The following DYM variants were observed in gnomAD, a reference collection of about 807,000 sequenced individuals.
DYM encodes the protein dymeclin.
In DYM, 78 loss-of-function variants were observed where a neutral mutation model predicts 93.1. The ratio of observed to expected loss-of-function variants is 0.84; its 90% CI spans 0.70 to 1.01. The LOEUF is 1.01. Among genes scored for constraint, DYM ranks in the 50% least tolerant of loss-of-function variants. DYM has a pLI of 0.00. For missense variants in DYM, 789 were observed against 845.0 expected, an observed-to-expected ratio of 0.93 and a Z score of 0.82; for synonymous variants, 321 against 319.7, an observed-to-expected ratio of 1.00 and a Z score of -0.04.
intron 14 of DYM, among the ~76,000 whole-genome samples, chr18:49,200,910 T>C (rs1255713606): frequency 6.6e-6 from 1 of 152,216 alleles, no homozygotes; most frequent in Non-Finnish European, 1.5e-5. Context: ...TACAATACAT[T>C]GTTATTAACA....
At chr18:49,402,361 C>T (rs978503300) in intron 2 of DYM, among the ~76,000 whole-genome samples, 3 of 152,140 alleles carry the variant, frequency 2.0e-5, no homozygotes, top group Non-Finnish European at 4.4e-5. Flanking sequence ...GCAAGATGGT[C>T]AGGGCATATA....
intron 8 of DYM, among the ~76,000 whole-genome samples, chr18:49,289,776 C>CATATATATATATAT: frequency 1.2e-5 from 1 of 85,524 alleles, no homozygotes; most frequent in Non-Finnish European, 2.0e-5. Flanking sequence ...TATATATACA[C>CATATATATATATAT]ATATATATAT....
intron 2 of DYM, among the ~76,000 whole-genome samples, chr18:49,428,514 A>C (rs1374817370): frequency 6.6e-6 from 1 of 152,076 alleles, no homozygotes; most frequent in Non-Finnish European, 1.5e-5. Flanking sequence ...GTGACATCTC[A>C]TCTCCACAAA....
At chr18:49,201,239 T>C (rs1053284715) in intron 14 of DYM, among the ~76,000 whole-genome samples, 2 of 152,200 alleles carry the variant, frequency 1.3e-5, no homozygotes, top group African/African-American at 4.8e-5. Context: ...ACAGAAGTAA[T>C]AACACAGTTC....
At chr18:49,113,128 AT>A (rs1474242693) in intron 16 of DYM, among the ~76,000 whole-genome samples, 1 of 152,168 alleles carries the variant, frequency 6.6e-6, no homozygotes, top group African/African-American at 2.4e-5. Context: ...TTGTTTAACA[AT>A]TGTGGGACTG....
intron 14 of DYM, among the ~76,000 whole-genome samples, chr18:49,194,954 G>T (rs975726752): frequency 2.6e-5 from 4 of 152,026 alleles, no homozygotes; most frequent in Non-Finnish European, 5.9e-5. Context: ...AAACTTTTTG[G>T]GGGAGTGAGT....
At chr18:49,075,294 G>A (rs1428565001) in intron 17 of DYM, among the ~76,000 whole-genome samples, 12 of 152,166 alleles carry the variant, frequency 7.9e-5, no homozygotes. Context: ...GGCCGAGTGT[G>A]CAGCCCCTGA....
At chr18:49,452,418 C>T (rs1450417602) in intron 1 of DYM, among the ~76,000 whole-genome samples, 2 of 152,036 alleles carry the variant, frequency 1.3e-5, no homozygotes, top group African/African-American at 4.8e-5. Flanking sequence ...CCACCCACAT[C>T]CTGCTGATTT....
At chr18:49,289,762 T>C (rs903843875) in intron 8 of DYM, among the ~76,000 whole-genome samples, 73 of 42,120 alleles carry the variant, frequency 1.7e-3, no homozygotes, top group Middle Eastern at 8.8e-3. Flanking sequence ...TATATATATA[T>C]ATATATATAT....
At chr18:49,089,899 T>C (rs1433365711) in intron 17 of DYM, among the ~76,000 whole-genome samples, 2 of 152,206 alleles carry the variant, frequency 1.3e-5, no homozygotes, top group African/African-American at 4.8e-5. Flanking sequence ...AAAATGACTC[T>C]GGAGGGATTC....
At chr18:49,087,917 C>G (rs1417093337) in intron 17 of DYM, among the ~76,000 whole-genome samples, 2 of 152,184 alleles carry the variant, frequency 1.3e-5, no homozygotes, top group African/African-American at 4.8e-5. Flanking sequence ...TAAATGTCTT[C>G]TTTTGAGAAA....
At chr18:49,227,132 C>T (rs1024431085) in intron 13 of DYM, among the ~76,000 whole-genome samples, 23 of 152,118 alleles carry the variant, frequency 1.5e-4, no homozygotes, top group Non-Finnish European at 3.1e-4. Context: ...GCACATTCAG[C>T]ACATTTTATG....
At chr18:49,391,368 T>G in intron 3 of DYM, 1 of 526,416 alleles carries the variant, frequency 1.9e-6, no homozygotes, top group Non-Finnish European at 3.5e-6. Context: ...TGTCTATGGC[T>G]TAGCAGAGTC....
At chr18:49,391,409 T>A in intron 3 of DYM, 184 bp downstream of exon 3, 2 of 615,084 alleles carry the variant, frequency 3.3e-6, no homozygotes, top group South Asian at 1.8e-5. Context: ...TAGCCAAGCA[T>A]GTGTCATATT....
rs2081341099 is a variant in DYM at position 49,440,915 on chromosome 18, T to TATAATATA, written c.-53-10469_-53-10468insTATATTAT. ...AATATATTTATATAAATATATTATATTTTATATAATATATTATATAATATA... is the reference window on the plus strand; with the variant it reads ...AATATATTTATATAAATATATTATATATAATATATTTATATAATATATTATATAATATA... On this transcript the variant is annotated intron_variant, in intron 1 of 17. Coordinates refer to ENST00000675505, the MANE Select transcript of DYM (RefSeq NM_001353214.3). Among the ~76,000 whole-genome samples, 11 of 28,310 alleles carry TATAATATA rather than the reference T, an allele frequency of 3.9e-4. 5 individuals carry two copies. The highest frequency in any genetic ancestry group is 1.8e-3 in the African/African-American group (11 of 6,192). 18.6% of individuals were successfully genotyped at this position (28,310 alleles called of 152,430 possible). A position where few individuals can be genotyped will look rare whatever the true frequency, so the allele number is the denominator to read the frequency against.
At chr18:49,248,150 C>T (rs2058532166) in intron 13 of DYM, among the ~76,000 whole-genome samples, 1 of 152,130 alleles carries the variant, frequency 6.6e-6, no homozygotes, top group Non-Finnish European at 1.5e-5. Flanking sequence ...ATACTGCAAG[C>T]CATTGCTCAG....
intron 15 of DYM, among the ~76,000 whole-genome samples, chr18:49,158,824 T>C (rs2144939498): frequency 6.6e-6 from 1 of 152,222 alleles, no homozygotes; most frequent in East Asian, 1.9e-4. Flanking sequence ...ATCAAGAAGA[T>C]CTAGTATTTG....
At chr18:49,437,830 C>T (rs901480814) in intron 1 of DYM, among the ~76,000 whole-genome samples, 6 of 152,152 alleles carry the variant, frequency 3.9e-5, no homozygotes, top group Admixed American at 3.9e-4. Context: ...CCATTACCTG[C>T]TCATATCCTA....
intron 17 of DYM, among the ~76,000 whole-genome samples, chr18:49,077,303 GCTTT>G (rs1251496279): frequency 6.6e-6 from 1 of 152,162 alleles, no homozygotes; most frequent in African/African-American, 2.4e-5. Context: ...CCACAGATCT[GCTTT>G]CTCTCTCAGT....
Sources: allele counts gnomAD v4.1 joint callset (sites outside exome capture counted in the v4.1 genomes callset), GRCh38; gene constraint gnomAD v4.1.1; transcripts MANE v1.5; gene names NCBI Gene and HGNC (gene_info 2026-07-23, HGNC 2026-07-21).